The following NHEJ1 variants were observed in gnomAD, a reference collection of about 807,000 sequenced individuals.
The protein encoded by NHEJ1 is non-homologous end joining factor 1.
Under a neutral mutation model 39.4 loss-of-function variants are expected in NHEJ1, and 22 were observed. That is an observed-to-expected ratio of 0.56 (90% CI 0.40 to 0.80). The LOEUF (loss-of-function observed/expected upper bound fraction) is 0.80. NHEJ1 is among the 30% of genes least tolerant of loss of function. The probability of loss-of-function intolerance (pLI) is 0.00; values close to 1 mark genes in which losing one functional copy is unlikely to be tolerated. For synonymous variants in NHEJ1, 154 were observed against 135.6 expected (o/e 1.14, Z -0.94); for missense variants, 329 against 357.1 (o/e 0.92, Z 0.63).
intron 5 of NHEJ1, among the ~76,000 whole-genome samples, chr2:219,127,710 T>C (rs971632709): frequency 6.6e-6 from 1 of 152,224 alleles, no homozygotes; most frequent in Non-Finnish European, 1.5e-5. Flanking sequence ...AAGAAAGACC[T>C]TATATCTAGA....
chr2:219,138,564 A>G (rs555163805), intron 5 of NHEJ1, among the ~76,000 whole-genome samples: 10 of 152,378 alleles, frequency 6.6e-5, no homozygotes, highest in African/African-American at 2.4e-4. Flanking sequence ...GTGTGGAGGC[A>G]CTGTTCTAGG....
chr2:219,108,506 A>G (rs1051645013), intron 5 of NHEJ1, among the ~76,000 whole-genome samples: 1 of 151,858 alleles, frequency 6.6e-6, no homozygotes, highest in African/African-American at 2.4e-5. Flanking sequence ...CTGTCCATTT[A>G]TTTGTGTTAC....
chr2:219,158,394 TC>T, intron 1 of NHEJ1, 32 bp from the exon 2 acceptor site: 2 of 1,610,788 alleles, frequency 1.2e-6, no homozygotes, highest in Non-Finnish European at 1.7e-6. Flanking sequence ...GTAAAGAGCC[TC>T]AGGGTCATGC....
At chr2:219,109,397 C>T (rs1162465360) in intron 5 of NHEJ1, among the ~76,000 whole-genome samples, 2 of 152,190 alleles carry the variant, frequency 1.3e-5, no homozygotes, top group Non-Finnish European at 2.9e-5. Flanking sequence ...AAACTGGCAA[C>T]AAAGGTGCCC....
chr2:219,157,065 A>G (rs1949861377), intron 3 of NHEJ1, among the ~76,000 whole-genome samples: 1 of 152,178 alleles, frequency 6.6e-6, no homozygotes, highest in South Asian at 2.1e-4. Context: ...GCTCAGTAAC[A>G]GTCTCTTCAA....
chr2:219,144,342 C>T (rs1049246659), intron 5 of NHEJ1, among the ~76,000 whole-genome samples: 15 of 152,062 alleles, frequency 9.9e-5, no homozygotes, highest in Non-Finnish European at 1.8e-4. Flanking sequence ...GTCCTTGCCT[C>T]AAAGAGTCCA....
intron 5 of NHEJ1, among the ~76,000 whole-genome samples, chr2:219,078,571 A>G (rs1455248647): frequency 6.6e-6 from 1 of 152,262 alleles, no homozygotes; most frequent in Non-Finnish European, 1.5e-5. Flanking sequence ...TTTTCATTAA[A>G]TTCATTCATA....
At chr2:219,125,891 G>C (rs1163783406) in intron 5 of NHEJ1, among the ~76,000 whole-genome samples, 2 of 152,218 alleles carry the variant, frequency 1.3e-5, no homozygotes, top group Non-Finnish European at 2.9e-5. Flanking sequence ...TGCTAGAGTT[G>C]GAAGAGTGCC....
Position 219,154,679 on chromosome 2 carries a change from G to A in NHEJ1, c.390+2793C>T, listed in dbSNP as rs968592293. On this transcript the variant is annotated intron_variant, in intron 3 of 7. Coordinates refer to ENST00000356853, the MANE Select transcript of NHEJ1 (RefSeq NM_024782.3). ...GAGGGCATTCTTCTTTTAATGATGA[G>A]TATTTTATTTTAACTTAAAGCACAA... 3.0e-4 allele frequency among the ~76,000 whole-genome samples: 46 copies of A among 151,818 alleles called. 1 individual carries two copies. The highest frequency in any genetic ancestry group is 1.0e-3 in the African/African-American group (42 of 41,332).
intron 5 of NHEJ1, among the ~76,000 whole-genome samples, chr2:219,145,945 A>T (rs558147380): frequency 6.6e-6 from 1 of 151,808 alleles, no homozygotes; most frequent in East Asian, 1.9e-4. Context: ...AAAAAAATAA[A>T]AAAAAAAAAA....
At chr2:219,131,466 A>C (rs916078471) in intron 5 of NHEJ1, among the ~76,000 whole-genome samples, 5 of 152,240 alleles carry the variant, frequency 3.3e-5, no homozygotes, top group Non-Finnish European at 7.3e-5. Flanking sequence ...GAAGCTGAAT[A>C]AATATTGAGA....
chr2:219,089,591 G>T (rs538809594), intron 5 of NHEJ1, among the ~76,000 whole-genome samples: 11 of 152,278 alleles, frequency 7.2e-5, no homozygotes, highest in Admixed American at 5.9e-4. Flanking sequence ...AGGGTGAATG[G>T]AGAATGACTG....
chr2:219,101,086 G>C (rs973479811), intron 5 of NHEJ1, among the ~76,000 whole-genome samples: 8 of 152,122 alleles, frequency 5.3e-5, no homozygotes, highest in African/African-American at 1.7e-4. Context: ...TTGGGTAACA[G>C]TGTATCATGG....
intron 5 of NHEJ1, among the ~76,000 whole-genome samples, chr2:219,132,992 C>T (rs539513485): frequency 2.0e-5 from 3 of 152,130 alleles, no homozygotes; most frequent in Non-Finnish European, 4.4e-5. Context: ...AAGTACTGTC[C>T]ATAAACAGTT....
At chr2:219,148,095 C>T (rs1400166522) in intron 3 of NHEJ1, among the ~76,000 whole-genome samples, 1 of 152,168 alleles carries the variant, frequency 6.6e-6, no homozygotes, top group Non-Finnish European at 1.5e-5. Flanking sequence ...CCTATCTCTA[C>T]TAAAAATACA....
At chr2:219,159,926 T>C (rs1374906773) in intron 1 of NHEJ1, among the ~76,000 whole-genome samples, 1 of 151,946 alleles carries the variant, frequency 6.6e-6, no homozygotes, top group African/African-American at 2.4e-5. Flanking sequence ...TGTTTGTCTG[T>C]TGGGTAAAGG....
At chr2:219,137,340 A>G (rs1949641245) in intron 5 of NHEJ1, among the ~76,000 whole-genome samples, 1 of 152,014 alleles carries the variant, frequency 6.6e-6, no homozygotes, top group Admixed American at 6.5e-5. Flanking sequence ...CTATTCTTCA[A>G]ATCACATAAG....
intron 3 of NHEJ1, among the ~76,000 whole-genome samples, chr2:219,154,720 TCAAATCTAATTTCTTCCTATGG>T (rs1307297948): frequency 6.6e-6 from 1 of 151,946 alleles, no homozygotes; most frequent in Non-Finnish European, 1.5e-5. Flanking sequence ...CATGAATTGC[TCAAATCTAATTTCTTCCTATGG>T]CAAACCAAGA....
At chr2:219,112,550 A>G (rs1949375281) in intron 5 of NHEJ1, among the ~76,000 whole-genome samples, 2 of 152,136 alleles carry the variant, frequency 1.3e-5, no homozygotes, top group South Asian at 4.1e-4. Flanking sequence ...AAAGTCTCCT[A>G]GGGGCACACA....
Sources: gnomAD v4.1 joint callset for allele counts (sites outside exome capture counted in the v4.1 genomes callset) on GRCh38, gnomAD v4.1.1 for gene constraint, MANE v1.5 for transcripts, NCBI Gene and HGNC (gene_info 2026-07-23, HGNC 2026-07-21) for gene names.